UBE3D: variants seen among roughly 807,000 people sequenced by gnomAD.
The protein encoded by UBE3D is E3 ubiquitin-protein ligase E3D.
In UBE3D, 48 loss-of-function variants were observed where a neutral mutation model predicts 49.6. That is an observed-to-expected ratio of 0.97 (90% CI 0.77 to 1.23). The LOEUF (loss-of-function observed/expected upper bound fraction) is 1.23. Ranked by LOEUF, UBE3D falls within the 50% of genes most tolerant of loss-of-function variation. The pLI is 0.00. For missense variants in UBE3D, 452 were observed against 468.4 expected (o/e 0.96, Z 0.32); for synonymous variants, 189 against 174.2 (o/e 1.08, Z -0.67).
chr6:83,036,911 TGTTGAACAACGACATAACCTCATTTTTG>T (rs1445104730), intron 5 of UBE3D: 5 of 152,130 alleles, frequency 3.3e-5, no homozygotes, highest in African/African-American at 1.2e-4. Context: ...ACCTCATTTT[TGTTGAACAACGACATAACCTCATTTTTG>T]GTTGAATGTC....
intron 8 of UBE3D, among the ~76,000 whole-genome samples, chr6:82,965,247 T>G (rs1776829211): frequency 6.6e-6 from 1 of 152,204 alleles, no homozygotes; most frequent in South Asian, 2.1e-4. Context: ...CTTGTATCAT[T>G]GCAAGACAGC....
intron 1 of UBE3D, among the ~76,000 whole-genome samples, chr6:83,058,378 G>A (rs1375015865): frequency 6.6e-6 from 1 of 152,110 alleles, no homozygotes; most frequent in Non-Finnish European, 1.5e-5. Flanking sequence ...AATGATACAA[G>A]ACAAAAACCT....
chr6:82,981,828 AT>A (rs773990133), intron 8 of UBE3D, among the ~76,000 whole-genome samples: 1 of 152,088 alleles, frequency 6.6e-6, no homozygotes, highest in Non-Finnish European at 1.5e-5. Flanking sequence ...AATTATTCTC[AT>A]TTTTCAAAGG....
At chr6:82,983,665 G>A (rs1168646104) in intron 8 of UBE3D, among the ~76,000 whole-genome samples, 7 of 151,620 alleles carry the variant, frequency 4.6e-5, no homozygotes, top group South Asian at 2.1e-4. Flanking sequence ...TCTCTCTCAC[G>A]TCAAAAACCC....
intron 2 of UBE3D, among the ~76,000 whole-genome samples, chr6:83,056,235 C>G (rs1447089703): frequency 6.6e-6 from 1 of 152,180 alleles, no homozygotes; most frequent in Non-Finnish European, 1.5e-5. Context: ...AATACTATGT[C>G]CCTGGTGGTC....
chr6:82,987,357 T>C (rs1487651265), intron 8 of UBE3D, among the ~76,000 whole-genome samples: 1 of 152,158 alleles, frequency 6.6e-6, no homozygotes, highest in Non-Finnish European at 1.5e-5. Context: ...GTAGTAGTTT[T>C]CTCATGGATG....
At chr6:82,959,028 T>G (rs1252792257) in intron 8 of UBE3D, among the ~76,000 whole-genome samples, 1 of 152,134 alleles carries the variant, frequency 6.6e-6, no homozygotes, top group African/African-American at 2.4e-5. Context: ...TTGGGTCCAC[T>G]GCAGTCTCCA....
At position 83,030,034 on chromosome 6, in the gene UBE3D, C is replaced by A. The variant is rs113150345; in HGVS notation, c.668-5996G>T. ...TCACAGGTCCCCCTAAGCTTTCAAT[C>A]CTTACTGAAAATACATATAATAGAT... On this transcript the variant is annotated intron_variant, in intron 5 of 9. Transcript: ENST00000369747. Among the ~76,000 whole-genome samples the A allele has an allele frequency of 9.6e-3, 1,468 of 152,210 alleles. 22 individuals are homozygous for A. Among genetic ancestry groups the A allele is most frequent in the African/African-American group, 0.034 (1,391 of 41,514 alleles).
chr6:82,956,363 T>C (rs1776156729), intron 9 of UBE3D, among the ~76,000 whole-genome samples: 1 of 152,220 alleles, frequency 6.6e-6, no homozygotes, highest in African/African-American at 2.4e-5. Context: ...TAACATTTAA[T>C]TCTCATTTGA....
chr6:82,929,999 C>CA (rs1774028101), intron 9 of UBE3D, among the ~76,000 whole-genome samples: 1 of 152,160 alleles, frequency 6.6e-6, no homozygotes. Context: ...GCATCCCCCC[C>CA]AAAATCTCAT....
chr6:82,901,430 G>A (rs1344021906), intron 9 of UBE3D, among the ~76,000 whole-genome samples: 1 of 152,192 alleles, frequency 6.6e-6, no homozygotes, highest in African/African-American at 2.4e-5. Context: ...TTGAGAACGT[G>A]TTAAAAAGGC....
At chr6:83,049,402 A>G (rs959732113) in intron 3 of UBE3D, among the ~76,000 whole-genome samples, 5 of 152,230 alleles carry the variant, frequency 3.3e-5, no homozygotes, top group Admixed American at 2.0e-4. Flanking sequence ...TAGCTTTAGC[A>G]CTTTAATATT....
chr6:83,056,624 T>C (rs1275329033), intron 2 of UBE3D, among the ~76,000 whole-genome samples: 3 of 152,176 alleles, frequency 2.0e-5, no homozygotes. Flanking sequence ...AAACTAGTTA[T>C]TCACTAACCC....
At chr6:82,923,582 G>C (rs994876005) in intron 9 of UBE3D, among the ~76,000 whole-genome samples, 1 of 152,180 alleles carries the variant, frequency 6.6e-6, no homozygotes. Context: ...GGGGGCTAGG[G>C]GAGGGATAAC....
At chr6:82,974,126 G>C (rs1232730558) in intron 8 of UBE3D, among the ~76,000 whole-genome samples, 1 of 152,090 alleles carries the variant, frequency 6.6e-6, no homozygotes, top group Non-Finnish European at 1.5e-5. Context: ...GTCATTAAAA[G>C]GAATGGCAAA....
chr6:83,032,119 GAGAAGAGGGTCACAATCCTCC>G, intron 5 of UBE3D: 1 of 449,318 alleles, frequency 2.2e-6, no homozygotes, highest in Non-Finnish European at 4.5e-6. Context: ...GTGGAGCTGT[GAGAAGAGGGTCACAATCCTCC>G]AGACCCCAGA....
chr6:83,023,979 T>C lies in UBE3D; in HGVS notation c.727A>G (p.Ile243Val), dbSNP rs766919200. ...IIQSSERSFP[I>V]IPRSWFVQSV... ...ATTTGCTATTTGTACCTTGGTATGA[T>C]AGGAAAACTCCTCTCAGATGACTGA... The change falls in exon 6 of 10, where the codon ATC becomes GTC. Residue 243 changes from isoleucine (I) to valine (V), a missense_variant. By Grantham distance (29) the Ile-to-Val change is conservative (BLOSUM62 3). Coordinates refer to ENST00000369747, the MANE Select transcript of UBE3D (RefSeq NM_198920.3). The C allele has an allele frequency of 5.9e-6, 9 of 1,534,704 alleles. No individual in the cohort carries two copies. Among genetic ancestry groups the C allele is most frequent in the South Asian group, 1.3e-5 (1 of 75,962 alleles).
At chr6:82,930,446 CAGA>C (rs1321662755) in intron 9 of UBE3D, among the ~76,000 whole-genome samples, 11 of 152,056 alleles carry the variant, frequency 7.2e-5, no homozygotes, top group African/African-American at 1.9e-4. Flanking sequence ...TTGGCAGGCT[CAGA>C]AGAAGATAGG....
intron 7 of UBE3D, among the ~76,000 whole-genome samples, chr6:83,020,952 T>C (rs1359421228): frequency 1.3e-5 from 2 of 152,226 alleles, no homozygotes; most frequent in African/African-American, 4.8e-5. Context: ...GAGAAGATAC[T>C]TGGGCTATGA....
Sources: allele counts gnomAD v4.1 joint callset (sites outside exome capture counted in the v4.1 genomes callset), GRCh38; gene constraint gnomAD v4.1.1; transcripts MANE v1.5; gene names NCBI Gene and HGNC (gene_info 2026-07-23, HGNC 2026-07-21).